The following ST6GALNAC3 variants were observed in gnomAD, a reference collection of about 807,000 sequenced individuals.
The protein encoded by ST6GALNAC3 is ST6 N-acetylgalactosaminide alpha-2,6-sialyltransferase 3.
In ST6GALNAC3, 25 loss-of-function variants were observed where a neutral mutation model predicts 32.7. That is an observed-to-expected ratio of 0.76 (90% CI 0.56 to 1.07). ST6GALNAC3 has a LOEUF of 1.07. ST6GALNAC3 is among the 50% of genes least tolerant of loss of function. ST6GALNAC3 has a pLI of 0.00. For synonymous variants in ST6GALNAC3, 129 were observed against 133.1 expected (o/e 0.97, Z 0.21); for missense variants, 355 against 382.4 (o/e 0.93, Z 0.60).
chr1:76,086,550 T>G (rs1189639417), intron 1 of ST6GALNAC3, among the ~76,000 whole-genome samples: 1 of 152,202 alleles, frequency 6.6e-6, no homozygotes, highest in Non-Finnish European at 1.5e-5. Flanking sequence ...TGAAGCCTAT[T>G]TTTCTGATGT....
At chr1:76,240,699 C>T (rs1656911173) in intron 1 of ST6GALNAC3, among the ~76,000 whole-genome samples, 1 of 152,228 alleles carries the variant, frequency 6.6e-6, no homozygotes, top group South Asian at 2.1e-4. Context: ...AGCCAATTGC[C>T]TCCCACAACA....
intron 3 of ST6GALNAC3, among the ~76,000 whole-genome samples, chr1:76,520,872 A>G (rs1390776230): frequency 6.6e-6 from 1 of 152,180 alleles, no homozygotes; most frequent in Admixed American, 6.5e-5. Context: ...TTTAAAAATT[A>G]GCTTGAAAAT....
rs528814982 is a variant in ST6GALNAC3, at chr1:76,514,893, A to G, written c.623+102476A>G. Among the ~76,000 whole-genome samples, 8 of 152,232 alleles carry G rather than the reference A, an allele frequency of 5.3e-5. No individual in the cohort carries two copies. The South Asian group carries it at 1.7e-3, about 32-fold the overall frequency. On this transcript the variant is annotated intron_variant, in intron 3 of 4. Transcript: ENST00000328299. Reference sequence around the variant, plus strand: ...CTTGAACACAGTAATTGATCTTTTTAATATGCTACTATATTCTGTTTGCTA... The same window carrying G: ...CTTGAACACAGTAATTGATCTTTTTGATATGCTACTATATTCTGTTTGCTA...
chr1:76,401,936 T>G (rs1345453538), intron 2 of ST6GALNAC3, among the ~76,000 whole-genome samples: 1 of 152,170 alleles, frequency 6.6e-6, no homozygotes, highest in Non-Finnish European at 1.5e-5. Context: ...CTAATGCCCC[T>G]GGGGCAAAAG....
At position 76,630,351 on chromosome 1, in the gene ST6GALNAC3, G is replaced by A; in HGVS notation, c.*1545G>A. The stretch of plus-strand genomic sequence containing the variant: ...ATATATACACGTGTGGTTCTATTTA[G>A]GTGGGGAAAAAATGAAAAAGCAGGG... On this transcript the variant is annotated 3_prime_UTR_variant, in exon 5 of 5. Coordinates refer to ENST00000328299, the MANE Select transcript of ST6GALNAC3 (RefSeq NM_152996.4). 3 of 985,076 alleles carry A rather than the reference G, an allele frequency of 3.0e-6. No homozygotes were observed. The highest frequency in any genetic ancestry group is 3.6e-6 in the Non-Finnish European group (3 of 829,772). The allele number at this position is 985,076 out of a possible 1,614,324, so 61.0% of individuals were successfully genotyped here.
chr1:76,279,990 CTGT>C (rs553069836), intron 1 of ST6GALNAC3, among the ~76,000 whole-genome samples: 124,824 of 151,770 alleles, frequency 0.82, 51,588 homozygotes, highest in African/African-American at 0.89. Flanking sequence ...TGTCTCTCTC[CTGT>C]CTTTTCTCTC....
At chr1:76,518,169 A>T (rs1179361844) in intron 3 of ST6GALNAC3, among the ~76,000 whole-genome samples, 3 of 151,908 alleles carry the variant, frequency 2.0e-5, no homozygotes, top group Non-Finnish European at 4.4e-5. Context: ...TTTTTGATGC[A>T]TGTTGCTAAG....
At chr1:76,411,658 C>G (rs1426573949) in intron 2 of ST6GALNAC3, among the ~76,000 whole-genome samples, 1 of 152,056 alleles carries the variant, frequency 6.6e-6, no homozygotes, top group Non-Finnish European at 1.5e-5. Context: ...TTACAAAGAT[C>G]AAATCTTTTC....
At chr1:76,343,583 A>C (rs967214235) in intron 2 of ST6GALNAC3, among the ~76,000 whole-genome samples, 4 of 152,156 alleles carry the variant, frequency 2.6e-5, no homozygotes, top group Admixed American at 2.0e-4. Context: ...AACCCTTTGG[A>C]ACCATGGTCT....
At chr1:76,085,653 G>C (rs2100733925) in intron 1 of ST6GALNAC3, among the ~76,000 whole-genome samples, 1 of 152,274 alleles carries the variant, frequency 6.6e-6, no homozygotes, top group South Asian at 2.1e-4. Context: ...CCTTACCACT[G>C]TTTCTGATTC....
chr1:76,166,911 A>G lies in ST6GALNAC3; in HGVS notation c.18+92027A>G, dbSNP rs901590676. Among the ~76,000 whole-genome samples, 3 of 152,076 alleles carry G rather than the reference A, an allele frequency of 2.0e-5. No homozygotes were observed. In the South Asian group the frequency reaches 6.2e-4, roughly 32 times the overall value. On this transcript the variant is annotated intron_variant, in intron 1 of 4. Transcript: ENST00000328299. ...CTTAAGGAGCTTTTGGGCTGAGACT[A>G]TTGGGTTTTATAGATATAGGATCAT...
At chr1:76,156,894 G>A (rs1189861289) in intron 1 of ST6GALNAC3, among the ~76,000 whole-genome samples, 1 of 152,186 alleles carries the variant, frequency 6.6e-6, no homozygotes, top group Non-Finnish European at 1.5e-5. Flanking sequence ...ACCACGCCCG[G>A]CTAATTTTTT....
intron 1 of ST6GALNAC3, among the ~76,000 whole-genome samples, chr1:76,250,999 G>A (rs1390741882): frequency 6.6e-6 from 1 of 151,966 alleles, no homozygotes; most frequent in African/African-American, 2.4e-5. Context: ...TTTCTTCTGG[G>A]CTTCATCCTG....
intron 1 of ST6GALNAC3, among the ~76,000 whole-genome samples, chr1:76,235,511 TA>T (rs2100650140): frequency 6.6e-6 from 1 of 152,008 alleles, no homozygotes; most frequent in African/African-American, 2.4e-5. Flanking sequence ...TGTCTCAAAA[TA>T]AATAAGTAAA....
In ST6GALNAC3 at chr1:76,122,898, C is replaced by T. The variant is rs1008091183; in HGVS notation, c.18+48014C>T. ...AAAGCTCAAACAGCTCCAGTTGTTG[C>T]TCTGGAGGAGCTTGTAGTCTGCGTC... On this transcript the variant is annotated intron_variant, in intron 1 of 4. Coordinates refer to ENST00000328299, the MANE Select transcript of ST6GALNAC3 (RefSeq NM_152996.4). 4.6e-5 allele frequency among the ~76,000 whole-genome samples: 7 copies of T among 152,174 alleles called. No homozygotes were observed. The East Asian group carries it at 1.3e-3, about 29-fold the overall frequency.
chr1:76,407,566 T>A (rs559817678), intron 2 of ST6GALNAC3, among the ~76,000 whole-genome samples: 3 of 152,158 alleles, frequency 2.0e-5, no homozygotes, highest in African/African-American at 7.2e-5. Context: ...TTTGTGGTGC[T>A]CTCAGTTTAT....
intron 3 of ST6GALNAC3, among the ~76,000 whole-genome samples, chr1:76,512,986 G>T (rs1162910134): frequency 7.7e-6 from 1 of 130,538 alleles, no homozygotes; most frequent in African/African-American, 2.7e-5. Context: ...TAGGTATATT[G>T]GGTTTTTTTT....
chr1:76,553,099 G>A (rs1056990836), intron 3 of ST6GALNAC3, among the ~76,000 whole-genome samples: 8 of 152,068 alleles, frequency 5.3e-5, no homozygotes, highest in Non-Finnish European at 1.2e-4. Flanking sequence ...GTAATCAATA[G>A]TGTTTCAAAG....
At position 76,074,878 on chromosome 1, in the gene ST6GALNAC3, C is replaced by T. The variant is rs1557591547; in HGVS notation, c.12C>T (p.Ile4=). Residue 4 remains isoleucine (I), a synonymous_variant, in exon 1 of 5, where the codon ATC becomes ATT. Coordinates refer to ENST00000328299, the MANE Select transcript of ST6GALNAC3 (RefSeq NM_152996.4). ...GCCGGCGGAGCGCCATGGCCTGCAT[C>T]CTGAAGGTAACGACTTGGATCTGTG... MAC[I]LKRKSVIAVS... The T allele has an allele frequency of 6.3e-7, 1 of 1,596,406 alleles. No homozygotes were observed.
Sources: gnomAD v4.1 joint callset for allele counts (sites outside exome capture counted in the v4.1 genomes callset) on GRCh38, gnomAD v4.1.1 for gene constraint, MANE v1.5 for transcripts, NCBI Gene and HGNC (gene_info 2026-07-23, HGNC 2026-07-21) for gene names.